STAU2: variants seen among roughly 807,000 people sequenced by gnomAD.
The protein encoded by STAU2 is double-stranded RNA-binding protein Staufen homolog 2.
In STAU2, 20 loss-of-function variants were observed where a neutral mutation model predicts 65.9. That is an observed-to-expected ratio of 0.30 (90% CI 0.21 to 0.44). The LOEUF is 0.44. STAU2 is among the 20% of genes least tolerant of loss of function. STAU2 has a pLI of 1.00. For missense variants in STAU2, 558 were observed against 683.9 expected (o/e 0.82, Z 2.05); for synonymous variants, 232 against 233.9 (o/e 0.99, Z 0.07).
chr8:73,489,843 T>C (rs564432192), intron 13 of STAU2, among the ~76,000 whole-genome samples: 1 of 152,036 alleles, frequency 6.6e-6, no homozygotes, highest in Non-Finnish European at 1.5e-5. Context: ...AGCATTAACA[T>C]GTACTCACAT....
At chr8:73,628,037 A>C (rs1217994016) in intron 6 of STAU2, among the ~76,000 whole-genome samples, 1 of 152,102 alleles carries the variant, frequency 6.6e-6, no homozygotes, top group African/African-American at 2.4e-5. Flanking sequence ...GTTCACACAT[A>C]TACTCTGCAG....
chr8:73,728,211 T>C (rs1433033971), intron 3 of STAU2, among the ~76,000 whole-genome samples: 1 of 152,208 alleles, frequency 6.6e-6, no homozygotes, highest in Non-Finnish European at 1.5e-5. Context: ...CTTTCCCCAC[T>C]GAATCATCCT....
chr8:73,712,154 A>C (rs866731470), intron 3 of STAU2, among the ~76,000 whole-genome samples: 4 of 152,330 alleles, frequency 2.6e-5, no homozygotes, highest in Non-Finnish European at 4.4e-5. Flanking sequence ...AATGTTACAC[A>C]GGTATGCATT....
At chr8:73,662,798 T>A (rs994214543) in intron 6 of STAU2, among the ~76,000 whole-genome samples, 10 of 152,270 alleles carry the variant, frequency 6.6e-5, no homozygotes, top group African/African-American at 2.2e-4. Flanking sequence ...GTATTTTTAG[T>A]AGAGACAGGT....
intron 13 of STAU2, among the ~76,000 whole-genome samples, chr8:73,512,841 T>C (rs956383264): frequency 2.0e-5 from 3 of 152,226 alleles, no homozygotes; most frequent in South Asian, 2.1e-4. Context: ...ATTTCGGTTA[T>C]TGTACTTTTC....
intron 13 of STAU2, among the ~76,000 whole-genome samples, chr8:73,521,543 T>A (rs1270478094): frequency 6.6e-6 from 1 of 152,256 alleles, no homozygotes; most frequent in Admixed American, 6.5e-5. Context: ...AAAATACAAA[T>A]GGTTCCCAAC....
intron 13 of STAU2, among the ~76,000 whole-genome samples, chr8:73,493,340 C>G (rs192090495): frequency 3.5e-4 from 53 of 151,506 alleles, no homozygotes; most frequent in Non-Finnish European, 6.2e-4. Flanking sequence ...AATAAGGAAG[C>G]CTAAGAGACT....
intron 13 of STAU2, among the ~76,000 whole-genome samples, chr8:73,498,670 T>C (rs1195800894): frequency 6.6e-6 from 1 of 151,812 alleles, no homozygotes; most frequent in African/African-American, 2.4e-5. Flanking sequence ...CTAATAATTA[T>C]AGTCCTTATT....
intron 5 of STAU2, among the ~76,000 whole-genome samples, chr8:73,687,977 G>A (rs957310111): frequency 4.0e-5 from 6 of 151,654 alleles, no homozygotes; most frequent in Non-Finnish European, 5.9e-5. Flanking sequence ...GCCTCCCAAA[G>A]TGCTGGGATG....
At chr8:73,508,526 A>G (rs569701428) in intron 13 of STAU2, among the ~76,000 whole-genome samples, 9 of 152,324 alleles carry the variant, frequency 5.9e-5, no homozygotes, top group African/African-American at 2.2e-4. Context: ...AACACATACA[A>G]TAATCATAAA....
intron 10 of STAU2, among the ~76,000 whole-genome samples, chr8:73,601,225 CA>C (rs1811612534): frequency 6.6e-6 from 1 of 152,110 alleles, no homozygotes; most frequent in African/African-American, 2.4e-5. Context: ...TAGGATTTAC[CA>C]AAAACTTAAT....
rs141925940 is a variant in STAU2, at chr8:73,593,334, C to T, written c.1161+1832G>A. ...AAGCATTTCTTCAAACCTTCTACTT[C>T]GCATAATAACAGTGACCTCAGCTTT... On this transcript the variant is annotated intron_variant, in intron 11 of 14. Transcript: ENST00000524300. Among the ~76,000 whole-genome samples, 1,134 of 152,312 alleles carry T rather than the reference C, an allele frequency of 7.4e-3. 12 individuals carry two copies. The highest frequency in any genetic ancestry group is 0.026 in the African/African-American group (1,075 of 41,558).
chr8:73,438,709 G>A (rs1465605606), intron 13 of STAU2, among the ~76,000 whole-genome samples: 1 of 152,198 alleles, frequency 6.6e-6, no homozygotes, highest in Non-Finnish European at 1.5e-5. Flanking sequence ...CTACTACCTT[G>A]GGCCAAATGT....
At position 73,514,269 on chromosome 8, in the gene STAU2, T is replaced by C. The variant is rs547624131; in HGVS notation, c.1530+37743A>G. On this transcript the variant is annotated intron_variant, in intron 13 of 14. Transcript: ENST00000524300. ...ACCCATCAAGGTGATCAGTATCCAT[T>C]CCTAAATTCCTATGATAGAAGCCTT... Among the ~76,000 whole-genome samples the C allele has an allele frequency of 2.6e-5, 4 of 152,308 alleles. No individual in the cohort carries two copies. The East Asian group carries it at 7.7e-4, about 29-fold the overall frequency.
intron 13 of STAU2, among the ~76,000 whole-genome samples, chr8:73,453,329 TATC>T (rs3032900): frequency 0.03 from 4,554 of 152,336 alleles, 214 homozygotes; most frequent in Admixed American, 0.13. Context: ...GCATATAAAA[TATC>T]ATGCTGTATA....
intron 13 of STAU2, among the ~76,000 whole-genome samples, chr8:73,539,223 A>G (rs189497436): frequency 6.6e-6 from 1 of 152,330 alleles, no homozygotes; most frequent in African/African-American, 2.4e-5. Flanking sequence ...ATGCAATCCA[A>G]CATTACTTGC....
intron 12 of STAU2, among the ~76,000 whole-genome samples, chr8:73,572,196 C>T (rs1195841739): frequency 1.3e-5 from 2 of 152,110 alleles, no homozygotes; most frequent in Non-Finnish European, 2.9e-5. Flanking sequence ...TAAGACTAAA[C>T]CAGGAAGAAC....
At chr8:73,467,689 C>A (rs548191925) in intron 13 of STAU2, among the ~76,000 whole-genome samples, 5 of 152,186 alleles carry the variant, frequency 3.3e-5, no homozygotes, top group South Asian at 2.1e-4. Context: ...GATGGTAGAG[C>A]CAGACAAGAA....
intron 13 of STAU2, among the ~76,000 whole-genome samples, chr8:73,429,206 A>G (rs1817065789): frequency 6.6e-6 from 1 of 152,106 alleles, no homozygotes; most frequent in South Asian, 2.1e-4. Context: ...GTAAACAGTA[A>G]TAGCTACCAT....
Sources: allele counts gnomAD v4.1 joint callset (sites outside exome capture counted in the v4.1 genomes callset), GRCh38; gene constraint gnomAD v4.1.1; transcripts MANE v1.5; gene names NCBI Gene and HGNC (gene_info 2026-07-23, HGNC 2026-07-21).